SHISA6: variants seen among roughly 807,000 people sequenced by gnomAD.
The protein encoded by SHISA6 is protein shisa-6.
A neutral mutation model predicts 47.9 loss-of-function variants in SHISA6; 22 were observed. The observed-to-expected ratio is 0.46, with a 90% CI of 0.33 to 0.66. The LOEUF is 0.66. SHISA6 is among the 30% of genes least tolerant of loss of function. The probability of loss-of-function intolerance (pLI) is 0.02; values close to 1 mark genes in which losing one functional copy is unlikely to be tolerated. For missense variants in SHISA6, 680 were observed against 764.6 expected, an observed-to-expected ratio of 0.89 and a Z score of 1.30; for synonymous variants, 388 against 337.8, an observed-to-expected ratio of 1.15 and a Z score of -1.63.
chr17:11,303,893 G>A (rs1910013859), intron 2 of SHISA6, among the ~76,000 whole-genome samples: 1 of 152,180 alleles, frequency 6.6e-6, no homozygotes, highest in South Asian at 2.1e-4. Context: ...TCTAGGGTGG[G>A]CCTGAGGTGG....
intron 2 of SHISA6, among the ~76,000 whole-genome samples, chr17:11,328,512 G>A (rs577983391): frequency 2.2e-4 from 34 of 152,268 alleles, no homozygotes; most frequent in Admixed American, 2.0e-3. Flanking sequence ...GGGCTTTCTT[G>A]AGAATTAACT....
At chr17:11,399,256 G>A (rs914267220) in intron 3 of SHISA6, among the ~76,000 whole-genome samples, 2 of 152,054 alleles carry the variant, frequency 1.3e-5, no homozygotes, top group Non-Finnish European at 2.9e-5. Context: ...TACAGTGCCT[G>A]GTCTTATGTG....
chr17:11,258,468 G>A (rs1908098334), intron 1 of SHISA6, among the ~76,000 whole-genome samples: 1 of 152,182 alleles, frequency 6.6e-6, no homozygotes. Flanking sequence ...ACTTAATTTG[G>A]GGGGAACTAA....
chr17:11,481,354 G>GTATATATATA (rs1362266634), intron 3 of SHISA6, among the ~76,000 whole-genome samples: 2 of 114,112 alleles, frequency 1.8e-5, no homozygotes, highest in African/African-American at 7.3e-5. Context: ...GTGTGTGTGT[G>GTATATATATA]TGTGTGTGTG....
chr17:11,540,933 C>T (rs1025640465), intron 3 of SHISA6, among the ~76,000 whole-genome samples: 1 of 152,158 alleles, frequency 6.6e-6, no homozygotes, highest in Non-Finnish European at 1.5e-5. Context: ...CTGCGGAGCA[C>T]AGAGAGACTT....
At chr17:11,518,317 T>C (rs980129760) in intron 3 of SHISA6, among the ~76,000 whole-genome samples, 3 of 152,182 alleles carry the variant, frequency 2.0e-5, no homozygotes, top group African/African-American at 4.8e-5. Context: ...TGACATTAGC[T>C]TTTACTATAA....
intron 3 of SHISA6, among the ~76,000 whole-genome samples, chr17:11,412,897 G>A (rs1173595714): frequency 6.6e-6 from 1 of 152,146 alleles, no homozygotes; most frequent in Non-Finnish European, 1.5e-5. Context: ...GCTGTGGCCA[G>A]GGCATGCATG....
At chr17:11,270,959 A>G (rs1442642594) in intron 2 of SHISA6, among the ~76,000 whole-genome samples, 1 of 152,146 alleles carries the variant, frequency 6.6e-6, no homozygotes, top group Non-Finnish European at 1.5e-5. Flanking sequence ...TTCTGATTTT[A>G]TAGCTGGTTG....
intron 2 of SHISA6, among the ~76,000 whole-genome samples, chr17:11,359,186 T>C (rs918443728): frequency 2.0e-5 from 3 of 152,218 alleles, no homozygotes; most frequent in Non-Finnish European, 4.4e-5. Flanking sequence ...TGTTGCTTGC[T>C]TCCTTGCTGT....
chr17:11,457,231 G>A (rs955326383), intron 3 of SHISA6, among the ~76,000 whole-genome samples: 1 of 152,100 alleles, frequency 6.6e-6, no homozygotes, highest in South Asian at 2.1e-4. Flanking sequence ...CTCCCCAGTG[G>A]TGTCCCTGCC....
chr17:11,254,728 CAGAA>C (rs1333395587), intron 1 of SHISA6, among the ~76,000 whole-genome samples: 9 of 152,208 alleles, frequency 5.9e-5, no homozygotes, highest in Non-Finnish European at 8.8e-5. Context: ...TGGAGTAACT[CAGAA>C]GGAGTGTATC....
At chr17:11,506,842 G>T (rs141183567) in intron 3 of SHISA6, among the ~76,000 whole-genome samples, 1 of 152,158 alleles carries the variant, frequency 6.6e-6, no homozygotes, top group African/African-American at 2.4e-5. Flanking sequence ...GGACAGCACC[G>T]TCGCCCCAAC....
intron 3 of SHISA6, among the ~76,000 whole-genome samples, chr17:11,551,604 C>T (rs2071932283): frequency 6.6e-6 from 1 of 152,176 alleles, no homozygotes; most frequent in Admixed American, 6.5e-5. Context: ...ACTCCCTACT[C>T]TCCATCCTTC....
intron 3 of SHISA6, among the ~76,000 whole-genome samples, chr17:11,532,715 A>G (rs1002415277): frequency 7.2e-6 from 1 of 139,834 alleles, no homozygotes; most frequent in Non-Finnish European, 1.5e-5. Context: ...GCAGGAGCCC[A>G]TGCCTTTCCC....
At chr17:11,313,855 G>A (rs1567569604) in intron 2 of SHISA6, among the ~76,000 whole-genome samples, 1 of 152,188 alleles carries the variant, frequency 6.6e-6, no homozygotes, top group Non-Finnish European at 1.5e-5. Context: ...CGGAGAGAGA[G>A]AGAGAGAAGG....
intron 3 of SHISA6, among the ~76,000 whole-genome samples, chr17:11,483,457 A>G (rs1400430579): frequency 6.6e-6 from 1 of 152,226 alleles, no homozygotes. Flanking sequence ...GTATAGCTTT[A>G]TGTTATCTAC....
At chr17:11,247,615 G>T (rs759325015) in intron 1 of SHISA6, among the ~76,000 whole-genome samples, 9 of 152,244 alleles carry the variant, frequency 5.9e-5, no homozygotes, top group Admixed American at 1.3e-4. Flanking sequence ...GGTTGGTGGT[G>T]GTGGGAGGGG....
intron 3 of SHISA6, among the ~76,000 whole-genome samples, chr17:11,513,584 G>A (rs865919343): frequency 2.2e-4 from 33 of 152,250 alleles, no homozygotes; most frequent in Middle Eastern, 3.4e-3. Flanking sequence ...CATCTTCCAC[G>A]GAATGATATG....
At chr17:11,375,371 T>C (rs1912765496) in intron 2 of SHISA6, among the ~76,000 whole-genome samples, 1 of 152,154 alleles carries the variant, frequency 6.6e-6, no homozygotes, top group African/African-American at 2.4e-5. Flanking sequence ...CCAGTGCCTT[T>C]CTCTCATTGG....
Sources: gnomAD v4.1 joint callset for allele counts (sites outside exome capture counted in the v4.1 genomes callset) on GRCh38, gnomAD v4.1.1 for gene constraint, MANE v1.5 for transcripts, NCBI Gene and HGNC (gene_info 2026-07-23, HGNC 2026-07-21) for gene names.